Variants in KCNQ5 observed in about 807,000 individuals in gnomAD.
KCNQ5 encodes the protein potassium voltage-gated channel subfamily KQT member 5.
Under a neutral mutation model 98.2 loss-of-function variants are expected in KCNQ5, and 30 were observed. The observed-to-expected ratio is 0.31, with a 90% CI of 0.23 to 0.41. KCNQ5 has a LOEUF of 0.41. Among genes scored for constraint, KCNQ5 ranks in the 10% least tolerant of loss-of-function variants. KCNQ5 has a pLI of 1.00. For missense variants in KCNQ5, 835 were observed against 1,182.5 expected (o/e 0.71, Z 4.31); for synonymous variants, 458 against 449.4 (o/e 1.02, Z -0.24).
At chr6:73,050,119 A>T (rs765752535) in intron 3 of KCNQ5, among the ~76,000 whole-genome samples, 1 of 152,146 alleles carries the variant, frequency 6.6e-6, no homozygotes, top group Non-Finnish European at 1.5e-5. Context: ...CAGGAGGCTG[A>T]TAGGAGAAGG....
At chr6:73,158,266 T>TGTTG (rs1562212033) in intron 10 of KCNQ5, 1 of 168,224 alleles carries the variant, frequency 5.9e-6, no homozygotes, top group Non-Finnish European at 1.2e-5. Context: ...TTTTTTTTTT[T>TGTTG]TTTTTTTTTT....
At chr6:72,958,550 T>A (rs755407192) in intron 1 of KCNQ5, among the ~76,000 whole-genome samples, 2 of 152,192 alleles carry the variant, frequency 1.3e-5, no homozygotes, top group Non-Finnish European at 2.9e-5. Context: ...GCTATTAAAG[T>A]CAAACATTTC....
intron 1 of KCNQ5, among the ~76,000 whole-genome samples, chr6:72,754,020 CT>C (rs1388811775): frequency 6.6e-6 from 1 of 151,890 alleles, no homozygotes; most frequent in Non-Finnish European, 1.5e-5. Context: ...ATTTTGATTT[CT>C]TTTTTGTACT....
At chr6:73,048,074 A>G (rs1026557482) in intron 3 of KCNQ5, among the ~76,000 whole-genome samples, 1 of 152,252 alleles carries the variant, frequency 6.6e-6, no homozygotes, top group African/African-American at 2.4e-5. Context: ...CTTCCTTCTT[A>G]TAGAGATAAT....
chr6:73,192,723 G>C (rs756413381), intron 13 of KCNQ5, 32 bp downstream of exon 13: 1 of 1,505,524 alleles, frequency 6.6e-7, no homozygotes, highest in Non-Finnish European at 8.9e-7. Context: ...TATCTTTTTA[G>C]CCAGAATTTT....
intron 1 of KCNQ5, among the ~76,000 whole-genome samples, chr6:72,839,016 C>G (rs939405211): frequency 3.4e-5 from 5 of 148,792 alleles, no homozygotes; most frequent in Admixed American, 6.7e-5. Flanking sequence ...TTGTTCTCAC[C>G]TAGGATTGCC....
At chr6:72,897,897 A>G (rs1779313431) in intron 1 of KCNQ5, among the ~76,000 whole-genome samples, 1 of 152,186 alleles carries the variant, frequency 6.6e-6, no homozygotes, top group South Asian at 2.1e-4. Context: ...TGCTTCTTCT[A>G]AAAAATGAGG....
chr6:72,813,032 A>G (rs1169538566), intron 1 of KCNQ5, among the ~76,000 whole-genome samples: 2 of 152,246 alleles, frequency 1.3e-5, no homozygotes, highest in East Asian at 3.9e-4. Flanking sequence ...TCCAAGTGAG[A>G]TTGCTTTCCT....
At chr6:73,122,586 T>C (rs1775790317) in intron 8 of KCNQ5, among the ~76,000 whole-genome samples, 1 of 152,196 alleles carries the variant, frequency 6.6e-6, no homozygotes, top group South Asian at 2.1e-4. Context: ...CAGTTATTTG[T>C]CCAGAATGAC....
At chr6:72,710,397 T>A (rs1348059033) in intron 1 of KCNQ5, among the ~76,000 whole-genome samples, 1 of 152,056 alleles carries the variant, frequency 6.6e-6, no homozygotes. Flanking sequence ...ATTAAAAAAA[T>A]TTAAAAAGCA....
intron 1 of KCNQ5, among the ~76,000 whole-genome samples, chr6:72,837,737 T>C (rs920512136): frequency 6.6e-6 from 1 of 152,198 alleles, no homozygotes; most frequent in Admixed American, 6.5e-5. Context: ...GTTATATGTT[T>C]TTTAAAGATG....
chr6:73,135,970 A>T (rs1255263378), intron 10 of KCNQ5: 1 of 152,176 alleles, frequency 6.6e-6, no homozygotes, highest in Admixed American at 6.5e-5. Flanking sequence ...CCTCATTTTA[A>T]TTTAATAACA....
chr6:72,785,507 G>A (rs1773691281), intron 1 of KCNQ5, among the ~76,000 whole-genome samples: 1 of 151,964 alleles, frequency 6.6e-6, no homozygotes, highest in African/African-American at 2.4e-5. Flanking sequence ...AAAATTAGCT[G>A]GACATGATGG....
At position 72,859,603 on chromosome 6, in the gene KCNQ5, G is replaced by T. The variant is rs140020145; in HGVS notation, c.399-144305G>T. On this transcript the variant is annotated intron_variant, in intron 1 of 13. Transcript: ENST00000370398. ...ACTTTTTTTTTCTTTTGGAGCCAGGGTCTCACTCTGTCTGTCGCCCAGGCT... is the reference window on the plus strand; with the variant it reads ...ACTTTTTTTTTCTTTTGGAGCCAGGTTCTCACTCTGTCTGTCGCCCAGGCT... Among the ~76,000 whole-genome samples, 364 of 140,812 alleles carry T rather than the reference G, an allele frequency of 2.6e-3. 7 individuals are homozygous for T. Among genetic ancestry groups the T allele is most frequent in the Admixed American group, 0.021 (277 of 13,284 alleles). 92.4% of individuals were successfully genotyped at this position (140,812 alleles called of 152,430 possible).
intron 1 of KCNQ5, among the ~76,000 whole-genome samples, chr6:72,730,786 CTTGT>C (rs1240662877): frequency 6.6e-6 from 1 of 151,292 alleles, no homozygotes; most frequent in Non-Finnish European, 1.5e-5. Flanking sequence ...CCTGGCTGCT[CTTGT>C]TTGTTTCTTT....
intron 11 of KCNQ5, among the ~76,000 whole-genome samples, chr6:73,173,386 C>T (rs1778083758): frequency 6.6e-6 from 1 of 152,110 alleles, no homozygotes; most frequent in Admixed American, 6.6e-5. Flanking sequence ...GGAAAGTAAA[C>T]AAACAAATGG....
chr6:72,948,968 A>C (rs1031476055), intron 1 of KCNQ5, among the ~76,000 whole-genome samples: 1 of 151,700 alleles, frequency 6.6e-6, no homozygotes, highest in African/African-American at 2.4e-5. Context: ...TTATTTTTTC[A>C]CTCTTTTTTG....
At chr6:73,016,588 T>A (rs1308131990) in intron 2 of KCNQ5, among the ~76,000 whole-genome samples, 1 of 152,082 alleles carries the variant, frequency 6.6e-6, no homozygotes, top group East Asian at 1.9e-4. Flanking sequence ...GACTTTAGAA[T>A]GGACTAGAGC....
At chr6:72,780,667 A>G (rs1773419637) in intron 1 of KCNQ5, among the ~76,000 whole-genome samples, 1 of 152,194 alleles carries the variant, frequency 6.6e-6, no homozygotes. Context: ...GAGATCAGAT[A>G]ATAAGGGGTA....
Sources: allele counts gnomAD v4.1 joint callset (sites outside exome capture counted in the v4.1 genomes callset), GRCh38; gene constraint gnomAD v4.1.1; transcripts MANE v1.5; gene names NCBI Gene and HGNC (gene_info 2026-07-23, HGNC 2026-07-21).